Variants in MCC observed in about 807,000 individuals in gnomAD.
MCC encodes the protein colorectal mutant cancer protein.
MCC carries 90 observed loss-of-function variants against 116.2 expected under a neutral mutation model. The observed-to-expected ratio is 0.77, with a 90% CI of 0.65 to 0.92. The LOEUF is 0.92. Ranked by LOEUF, MCC falls within the 40% of genes least tolerant of loss-of-function variation. The pLI, the probability that MCC is intolerant of heterozygous loss-of-function variation, is 0.00. For missense variants in MCC, 1,516 were observed against 1,312.2 expected (o/e 1.16, Z -2.40); for synonymous variants, 578 against 510.5 (o/e 1.13, Z -1.78).
intron 6 of MCC, among the ~76,000 whole-genome samples, chr5:113,107,221 C>CTTTT (rs1296664436): frequency 1.0e-5 from 1 of 97,168 alleles, no homozygotes; most frequent in Admixed American, 9.6e-5. Flanking sequence ...TTTTTTTTTT[C>CTTTT]TTTTTTTTTT....
Position 113,294,230 on chromosome 5 carries a change from G to A in MCC, c.627+46289C>T. The A allele has an allele frequency of 2.7e-6, 4 of 1,472,400 alleles. No homozygotes were observed. In the South Asian group the frequency reaches 4.9e-5, roughly 18 times the overall value. The allele number at this position is 1,472,400 out of a possible 1,614,324, so 91.2% of individuals were successfully genotyped here. On this transcript the variant is annotated intron_variant, in intron 3 of 18. Transcript: ENST00000408903. ...GCTGCCTCCAGACTGGGAGCACAGG[G>A]GGATAGGGTGTAGGGCTGTGGGGAG...
chr5:113,085,622 A>G (rs1755156805), intron 8 of MCC, among the ~76,000 whole-genome samples: 2 of 152,198 alleles, frequency 1.3e-5, no homozygotes, highest in East Asian at 1.9e-4. Flanking sequence ...ACCATCACCT[A>G]TTCTTCACAA....
chr5:113,132,559 T>C (rs953091062), intron 5 of MCC, among the ~76,000 whole-genome samples: 1 of 151,730 alleles, frequency 6.6e-6, no homozygotes, highest in Non-Finnish European at 1.5e-5. Flanking sequence ...TAGCTGATAT[T>C]TATAACTTCC....
chr5:113,226,656 C>T (rs1308002320), intron 3 of MCC, among the ~76,000 whole-genome samples: 1 of 152,098 alleles, frequency 6.6e-6, no homozygotes, highest in Non-Finnish European at 1.5e-5. Flanking sequence ...TTTTCAGGAG[C>T]TTAAATTAAG....
intron 1 of MCC, among the ~76,000 whole-genome samples, chr5:113,386,792 T>A (rs1268785098): frequency 6.8e-6 from 1 of 146,450 alleles, no homozygotes; most frequent in African/African-American, 2.6e-5. Context: ...CATCTGTGTA[T>A]ACACACATAC....
At chr5:113,069,521 C>T (rs755168315) in intron 12 of MCC, among the ~76,000 whole-genome samples, 1 of 152,270 alleles carries the variant, frequency 6.6e-6, no homozygotes, top group Non-Finnish European at 1.5e-5. Context: ...TCAAGCTGAA[C>T]AGGGGATATG....
intron 3 of MCC, among the ~76,000 whole-genome samples, chr5:113,273,851 G>A (rs1287407977): frequency 6.6e-6 from 1 of 152,024 alleles, no homozygotes; most frequent in Non-Finnish European, 1.5e-5. Flanking sequence ...ATCAAGCCTG[G>A]ATAGGTTAAA....
intron 3 of MCC, among the ~76,000 whole-genome samples, chr5:113,237,039 C>A (rs1764161100): frequency 6.6e-6 from 1 of 152,160 alleles, no homozygotes; most frequent in African/African-American, 2.4e-5. Flanking sequence ...GCTCCTGATC[C>A]ACTGGAAGTC....
At chr5:113,450,553 A>G (rs10035293) in intron 1 of MCC, among the ~76,000 whole-genome samples, 17,567 of 152,258 alleles carry the variant, frequency 0.12, 1,760 homozygotes, top group African/African-American at 0.27. Context: ...TGACCCTTAC[A>G]GGACCCAGCA....
At position 113,047,093 on chromosome 5, in the gene MCC, C is replaced by T. The variant is rs1456539491; in HGVS notation, c.2655+2000G>A. 2.6e-5 allele frequency among the ~76,000 whole-genome samples: 4 copies of T among 152,308 alleles called. No individual in the cohort carries two copies. The East Asian group carries it at 7.7e-4, about 29-fold the overall frequency. ...CCTCCCACTTTCCACTGGGGCTCAG[C>T]TCAGAAGTTCATTTCTTCCAGAAAA... On this transcript the variant is annotated intron_variant, in intron 16 of 18. Transcript: ENST00000408903.
chr5:113,228,311 T>TAC (rs773265847), intron 3 of MCC, among the ~76,000 whole-genome samples: 5 of 151,902 alleles, frequency 3.3e-5, no homozygotes, highest in East Asian at 1.9e-4. Flanking sequence ...AATGAGTTCT[T>TAC]ACACACACAC....
chr5:113,064,234 A>G (rs1753434855), intron 13 of MCC, 67 bp from the exon 14 acceptor site: 5 of 1,441,924 alleles, frequency 3.5e-6, no homozygotes, highest in Middle Eastern at 1.9e-4. Flanking sequence ...GGGAGGGACT[A>G]TGCATAATTA....
chr5:113,032,245 T>C (rs549357357), intron 17 of MCC, among the ~76,000 whole-genome samples: 2 of 152,280 alleles, frequency 1.3e-5, no homozygotes, highest in African/African-American at 4.8e-5. Flanking sequence ...ACCCTGTCTC[T>C]ACTAAATACA....
intron 3 of MCC, among the ~76,000 whole-genome samples, chr5:113,249,667 G>T (rs1279912267): frequency 6.6e-6 from 1 of 152,140 alleles, no homozygotes; most frequent in Non-Finnish European, 1.5e-5. Flanking sequence ...TGTGTTTGGG[G>T]TGTATAAAAC....
intron 3 of MCC, among the ~76,000 whole-genome samples, chr5:113,295,361 G>T (rs1766678342): frequency 6.6e-6 from 1 of 151,962 alleles, no homozygotes; most frequent in Non-Finnish European, 1.5e-5. Flanking sequence ...TCAACGCTAC[G>T]GGTGTAAATT....
At chr5:113,262,221 C>T (rs1471156398) in intron 3 of MCC, among the ~76,000 whole-genome samples, 1 of 152,064 alleles carries the variant, frequency 6.6e-6, no homozygotes, top group Non-Finnish European at 1.5e-5. Context: ...CCTAAGCATA[C>T]AAGCTCCACA....
chr5:113,207,270 C>T (rs1237467139), intron 3 of MCC, among the ~76,000 whole-genome samples: 1 of 152,100 alleles, frequency 6.6e-6, no homozygotes, highest in Non-Finnish European at 1.5e-5. Context: ...AGTGGTCTTA[C>T]CTCACAGGAT....
intron 2 of MCC, among the ~76,000 whole-genome samples, chr5:113,341,621 G>A (rs1355576570): frequency 6.6e-6 from 1 of 152,186 alleles, no homozygotes; most frequent in East Asian, 1.9e-4. Context: ...GCTGGACCTT[G>A]CTTATAAAGC....
chr5:113,253,150 T>C (rs1764864909), intron 3 of MCC, among the ~76,000 whole-genome samples: 1 of 152,186 alleles, frequency 6.6e-6, no homozygotes, highest in African/African-American at 2.4e-5. Context: ...GATGAGAGCA[T>C]ACTGAGAAGT....
Sources: gnomAD v4.1 joint callset for allele counts (sites outside exome capture counted in the v4.1 genomes callset) on GRCh38, gnomAD v4.1.1 for gene constraint, MANE v1.5 for transcripts, NCBI Gene and HGNC (gene_info 2026-07-23, HGNC 2026-07-21) for gene names.